Variants in ZBTB20 observed in about 807,000 individuals in gnomAD.
The protein encoded by ZBTB20 is zinc finger and BTB domain containing 20, also known as zinc finger and BTB domain-containing protein 20.
In ZBTB20, 9 loss-of-function variants were observed where a neutral mutation model predicts 56.9. The observed-to-expected ratio is 0.16, with a 90% CI of 0.10 to 0.28. The LOEUF (loss-of-function observed/expected upper bound fraction) is 0.28. Ranked by LOEUF, ZBTB20 falls within the 10% of genes least tolerant of loss-of-function variation. ZBTB20 has a pLI of 1.00. For missense variants in ZBTB20, 655 were observed against 1,003.0 expected (o/e 0.65, Z 4.69); for synonymous variants, 417 against 420.7 (o/e 0.99, Z 0.11).
Position 114,916,017 on chromosome 3 carries a change from G to T in ZBTB20, c.-455-15675C>A, listed in dbSNP as rs535632830. On this transcript the variant is annotated intron_variant, in intron 3 of 11. Transcript: ENST00000675478. ...ATCCATATGCTGATGACAAAAATGC[G>T]TATTTTGCAGCCGTTGGATGAAATG... Among the ~76,000 whole-genome samples the T allele has an allele frequency of 6.6e-5, 10 of 152,146 alleles. No individual in the cohort carries two copies. The South Asian group carries it at 1.7e-3, about 25-fold the overall frequency.
intron 5 of ZBTB20, among the ~76,000 whole-genome samples, chr3:114,749,568 A>AGGAAGGAAGG: frequency 7.4e-6 from 1 of 135,966 alleles, no homozygotes; most frequent in African/African-American, 2.9e-5. Flanking sequence ...GAAAGAAAGA[A>AGGAAGGAAGG]AAGGAAGGAA....
intron 1 of ZBTB20, among the ~76,000 whole-genome samples, chr3:115,077,023 C>T (rs1007343706): frequency 1.3e-5 from 2 of 152,184 alleles, no homozygotes; most frequent in Non-Finnish European, 2.9e-5. Flanking sequence ...CGGTAATGCT[C>T]ACTGGCCGGA....
chr3:114,396,112 T>C (rs17615195), intron 7 of ZBTB20, among the ~76,000 whole-genome samples: 3,476 of 152,268 alleles, frequency 0.023, 64 homozygotes, highest in Non-Finnish European at 0.035. Context: ...AACCTTCTTA[T>C]CCAGAAAGCC....
intron 5 of ZBTB20, among the ~76,000 whole-genome samples, chr3:114,736,841 T>G (rs1277607251): frequency 6.6e-6 from 1 of 152,102 alleles, no homozygotes; most frequent in Non-Finnish European, 1.5e-5. Flanking sequence ...CTCTGAAGAC[T>G]ACAGAGGCCA....
chr3:114,634,651 C>G (rs1290549278), intron 6 of ZBTB20, among the ~76,000 whole-genome samples: 1 of 152,076 alleles, frequency 6.6e-6, no homozygotes, highest in Non-Finnish European at 1.5e-5. Context: ...CTAGAGGATC[C>G]CAAACTAAAA....
At chr3:114,859,090 T>C (rs2075373413) in intron 4 of ZBTB20, among the ~76,000 whole-genome samples, 2 of 152,052 alleles carry the variant, frequency 1.3e-5, no homozygotes, top group African/African-American at 4.8e-5. Flanking sequence ...AAAAAATATT[T>C]TTTAAAAAAA....
Position 115,002,259 on chromosome 3 carries a change from A to ATGT in ZBTB20, c.-506-27844_-506-27843insACA, listed in dbSNP as rs1243598139. Reference sequence around the variant, plus strand: ...TCATAGACCTAAATGTACAATGCAAAACTGTAAAACTTTTAGAAGATAAAT... The same window carrying ATGT: ...TCATAGACCTAAATGTACAATGCAAATGTACTGTAAAACTTTTAGAAGATAAAT... On this transcript the variant is annotated intron_variant, in intron 2 of 11. Transcript: ENST00000675478. Among the ~76,000 whole-genome samples, 15 of 151,714 alleles carry ATGT rather than the reference A, an allele frequency of 9.9e-5. No homozygotes were observed. In the East Asian group the frequency reaches 2.7e-3, roughly 28 times the overall value.
intron 1 of ZBTB20, among the ~76,000 whole-genome samples, chr3:115,090,720 C>A (rs1323614130): frequency 3.3e-5 from 5 of 151,844 alleles, no homozygotes; most frequent in African/African-American, 9.6e-5. Flanking sequence ...TATAAAAAAA[C>A]TTCATATATA....
At chr3:114,763,190 A>G (rs2068553183) in intron 5 of ZBTB20, among the ~76,000 whole-genome samples, 1 of 152,154 alleles carries the variant, frequency 6.6e-6, no homozygotes, top group South Asian at 2.1e-4. Context: ...TGGGCTGTAT[A>G]TTTGGTTGAG....
At chr3:114,810,892 C>T (rs2072471609) in intron 4 of ZBTB20, among the ~76,000 whole-genome samples, 1 of 152,032 alleles carries the variant, frequency 6.6e-6, no homozygotes, top group African/African-American at 2.4e-5. Flanking sequence ...CCTCCTACTA[C>T]ATCTCTAGAA....
chr3:114,882,671 A>G (rs1457505952), intron 4 of ZBTB20, among the ~76,000 whole-genome samples: 4 of 152,088 alleles, frequency 2.6e-5, no homozygotes, highest in African/African-American at 9.6e-5. Context: ...TAAAATCTCT[A>G]AGACATGGCA....
At chr3:114,978,193 C>T (rs2078182963) in intron 2 of ZBTB20, among the ~76,000 whole-genome samples, 1 of 150,192 alleles carries the variant, frequency 6.7e-6, no homozygotes, top group African/African-American at 2.4e-5. Context: ...AGGCAATTCA[C>T]AATAGAATTG....
intron 6 of ZBTB20, among the ~76,000 whole-genome samples, chr3:114,613,422 A>G (rs2057702328): frequency 6.6e-6 from 1 of 152,196 alleles, no homozygotes; most frequent in Non-Finnish European, 1.5e-5. Context: ...ATAGTAGTAG[A>G]CTGATCTATA....
intron 1 of ZBTB20, among the ~76,000 whole-genome samples, chr3:115,123,164 G>C (rs534053734): frequency 6.6e-6 from 1 of 151,926 alleles, no homozygotes; most frequent in Non-Finnish European, 1.5e-5. Context: ...TAAGATATTT[G>C]GTCAGCAAAG....
intron 6 of ZBTB20, among the ~76,000 whole-genome samples, chr3:114,627,417 A>G (rs2058711646): frequency 6.6e-6 from 1 of 152,202 alleles, no homozygotes; most frequent in Non-Finnish European, 1.5e-5. Context: ...CAAGTTTTCC[A>G]TGAGATTATC....
At chr3:114,414,845 G>A (rs1466575185) in intron 7 of ZBTB20, among the ~76,000 whole-genome samples, 1 of 150,928 alleles carries the variant, frequency 6.6e-6, no homozygotes, top group Non-Finnish European at 1.5e-5. Context: ...CTATTTGTGA[G>A]TTTTATTAAA....
intron 5 of ZBTB20, among the ~76,000 whole-genome samples, chr3:114,782,212 A>C (rs924679362): frequency 1.3e-5 from 2 of 152,208 alleles, no homozygotes; most frequent in African/African-American, 2.4e-5. Flanking sequence ...GTTTACATAT[A>C]CTTTTTTTTG....
At chr3:114,739,235 C>G (rs2066403771) in intron 5 of ZBTB20, among the ~76,000 whole-genome samples, 1 of 152,162 alleles carries the variant, frequency 6.6e-6, no homozygotes, top group African/African-American at 2.4e-5. Context: ...GAATTTTAAG[C>G]CAGTTCCTGA....
Position 114,350,679 on chromosome 3 carries a change from C to A in ZBTB20, c.1399G>T (p.Gly467Trp), listed in dbSNP as rs1257059802. The change falls in exon 11 of 12, where the codon GGG becomes TGG. Residue 467 changes from glycine to tryptophan, a missense_variant. Physicochemically the swap from Gly to Trp is radical, Grantham distance 184. Coordinates refer to ENST00000675478, the MANE Select transcript of ZBTB20 (RefSeq NM_001348800.3). ...LQQPSVNTSI[G>W]QPLPSTQLYL... is the part of the protein sequence containing the mutation. ...AGCTGGGTACTTGGCAATGGCTGCC[C>A]GATGGACGTGTTGACCGAAGGCTGT... The A allele has an allele frequency of 6.2e-7, 1 of 1,614,200 alleles. No individual in the cohort carries two copies. The highest frequency in any genetic ancestry group is 8.5e-7 in the Non-Finnish European group (1 of 1,180,032).
Sources: gnomAD v4.1 joint callset for allele counts (sites outside exome capture counted in the v4.1 genomes callset) on GRCh38, gnomAD v4.1.1 for gene constraint, MANE v1.5 for transcripts, NCBI Gene and HGNC (gene_info 2026-07-23, HGNC 2026-07-21) for gene names.